Variants in ANO4 observed in about 807,000 individuals in gnomAD.
ANO4 encodes the protein anoctamin-4.
Under a neutral mutation model 141.9 loss-of-function variants are expected in ANO4, and 69 were observed. The observed-to-expected ratio is 0.49, with a 90% CI of 0.40 to 0.59. The LOEUF (loss-of-function observed/expected upper bound fraction) is 0.59. ANO4 is among the 20% of genes least tolerant of loss of function. The probability of loss-of-function intolerance (pLI) is 0.00; values close to 1 mark genes in which losing one functional copy is unlikely to be tolerated. For missense variants in ANO4, 894 were observed against 1,162.2 expected, an observed-to-expected ratio of 0.77 and a Z score of 3.36; for synonymous variants, 350 against 394.3, an observed-to-expected ratio of 0.89 and a Z score of 1.33.
rs755711465 is a variant in ANO4 at position 101,120,605 on chromosome 12, G to A, written c.2656G>A (p.Ala886Thr). 1 of 1,613,932 alleles carries A rather than the reference G, an allele frequency of 6.2e-7. No homozygotes were observed. The highest frequency in any genetic ancestry group is 8.5e-7 in the Non-Finnish European group (1 of 1,179,924). The change falls in exon 26 of 28, where the codon GCT becomes ACT. Residue 886 changes from alanine (A) to threonine (T), a missense_variant. Transcript: ENST00000392977. ...QFWHVLAARL[A>T]FIIVFEHLVF... ...TTGGCATGTCCTAGCTGCTCGATTA[G>A]CTTTTATCATTGTCTTTGAGGTAAG...
At chr12:101,025,757 G>T (rs2046708678) in intron 9 of ANO4, among the ~76,000 whole-genome samples, 1 of 152,216 alleles carries the variant, frequency 6.6e-6, no homozygotes, top group Non-Finnish European at 1.5e-5. Flanking sequence ...ATCCTGGACT[G>T]CAAGGTTGGC....
chr12:100,942,015 C>T (rs971198478), intron 4 of ANO4, among the ~76,000 whole-genome samples: 14 of 150,120 alleles, frequency 9.3e-5, no homozygotes, highest in African/African-American at 3.2e-4. Context: ...GAGTCTCACT[C>T]TGTTGCCCAG....
intron 1 of ANO4, among the ~76,000 whole-genome samples, chr12:100,877,864 A>G (rs2039392232): frequency 6.6e-6 from 1 of 152,156 alleles, no homozygotes; most frequent in Non-Finnish European, 1.5e-5. Flanking sequence ...CAGAGTTTGC[A>G]CATAAATCTT....
chr12:100,954,322 G>T (rs916620617), intron 5 of ANO4, among the ~76,000 whole-genome samples: 1 of 152,130 alleles, frequency 6.6e-6, no homozygotes, highest in African/African-American at 2.4e-5. Flanking sequence ...CAGGTCACAG[G>T]TGCCGGCGTG....
chr12:101,007,088 C>T (rs903162807), intron 8 of ANO4, among the ~76,000 whole-genome samples: 2 of 152,198 alleles, frequency 1.3e-5, no homozygotes, highest in African/African-American at 4.8e-5. Context: ...CACCATGGTT[C>T]ATGACTGTAA....
At chr12:100,740,888 A>G (rs2031834796) in intron 3 of ANO4, among the ~76,000 whole-genome samples, 1 of 152,234 alleles carries the variant, frequency 6.6e-6, no homozygotes, top group African/African-American at 2.4e-5. Flanking sequence ...CTGTTTTCAC[A>G]TAACAGTGGC....
At chr12:100,766,288 T>G (rs2033077848) in intron 3 of ANO4, among the ~76,000 whole-genome samples, 1 of 143,344 alleles carries the variant, frequency 7.0e-6, no homozygotes, top group African/African-American at 2.7e-5. Flanking sequence ...TTGCTGACTT[T>G]GGGCTTAGTC....
chr12:101,086,920 G>A lies in ANO4; in HGVS notation c.1701+96G>A, dbSNP rs77890775. 1.5e-3 allele frequency: 2,155 copies of A among 1,425,274 alleles called. 28 individuals are homozygous for A. The African/African-American group carries it at 0.028, about 18-fold the overall frequency. The allele number at this position is 1,425,274 out of a possible 1,614,324, so 88.3% of individuals were successfully genotyped here. A position where few individuals can be genotyped will look rare whatever the true frequency, so the allele number is the denominator to read the frequency against. ...GCTAAGGGGATCTGGCCTCAGAGAG[G>A]TGGGCCATTCACATAGCACTGATGT... On this transcript the variant is annotated intron_variant, in intron 17 of 27. Transcript: ENST00000392977.
chr12:100,816,371 A>G (rs368221533), intron 1 of ANO4, among the ~76,000 whole-genome samples: 29 of 152,180 alleles, frequency 1.9e-4, no homozygotes, highest in Middle Eastern at 3.4e-3. Flanking sequence ...GATCTGAAAG[A>G]TGAGTGGTCC....
At chr12:100,771,475 A>G (rs959679522) in intron 3 of ANO4, among the ~76,000 whole-genome samples, 1 of 152,142 alleles carries the variant, frequency 6.6e-6, no homozygotes, top group Non-Finnish European at 1.5e-5. Flanking sequence ...TAGAGAAAGC[A>G]CCACCCCCCA....
At chr12:100,899,541 T>C (rs958497220) in intron 1 of ANO4, among the ~76,000 whole-genome samples, 3 of 152,210 alleles carry the variant, frequency 2.0e-5, no homozygotes, top group African/African-American at 7.2e-5. Context: ...GAGTGCTGCC[T>C]ATATTTGTTA....
At chr12:101,121,994 T>G (rs1466044507) in intron 26 of ANO4, among the ~76,000 whole-genome samples, 2 of 152,218 alleles carry the variant, frequency 1.3e-5, no homozygotes, top group Admixed American at 1.3e-4. Flanking sequence ...CCTGACCTCA[T>G]GATCCATCCG....
chr12:101,107,270 T>C (rs2050485687), intron 22 of ANO4, among the ~76,000 whole-genome samples: 1 of 152,158 alleles, frequency 6.6e-6, no homozygotes, highest in Non-Finnish European at 1.5e-5. Flanking sequence ...CATTATTTGG[T>C]ACCTGACAAG....
At chr12:101,104,591 A>ATG (rs1411482123) in intron 22 of ANO4, among the ~76,000 whole-genome samples, 2 of 114,426 alleles carry the variant, frequency 1.7e-5, no homozygotes, top group East Asian at 4.6e-4. Flanking sequence ...GATAATATAT[A>ATG]TATGTGTGTG....
At chr12:100,974,979 G>A (rs2044099880) in intron 7 of ANO4, 90 bp downstream of exon 7, 2 of 1,465,004 alleles carry the variant, frequency 1.4e-6, no homozygotes. Flanking sequence ...TGGGGAAGAT[G>A]AGCCTGTGTC....
intron 1 of ANO4, among the ~76,000 whole-genome samples, chr12:100,845,183 A>C (rs2135826105): frequency 6.6e-6 from 1 of 152,198 alleles, no homozygotes; most frequent in African/African-American, 2.4e-5. Context: ...GATTACAGGG[A>C]GTGAGAGAGT....
intron 9 of ANO4, among the ~76,000 whole-genome samples, chr12:101,024,765 A>C (rs2046666288): frequency 6.6e-6 from 1 of 152,178 alleles, no homozygotes; most frequent in Non-Finnish European, 1.5e-5. Context: ...GTATTTATTG[A>C]GGGCCTCTGG....
chr12:100,853,748 G>T (rs2038013362), intron 1 of ANO4, among the ~76,000 whole-genome samples: 1 of 152,092 alleles, frequency 6.6e-6, no homozygotes, highest in African/African-American at 2.4e-5. Flanking sequence ...TGTTTTACGT[G>T]TATATTTATC....
Position 100,848,470 on chromosome 12 carries a change from C to G in ANO4, c.-140-53176C>G, listed in dbSNP as rs139837032. On this transcript the variant is annotated intron_variant, in intron 1 of 27. Transcript: ENST00000392977. ...GGACCCATGCCCAAAAATTCTTATT[C>G]AATAAGTTTAGGGTGGGACTGAAAA... Among the ~76,000 whole-genome samples the G allele has an allele frequency of 2.6e-3, 398 of 152,260 alleles. 2 individuals are homozygous for G. The highest frequency in any genetic ancestry group is 0.018 in the East Asian group (94 of 5,180).
Sources: allele counts gnomAD v4.1 joint callset (sites outside exome capture counted in the v4.1 genomes callset), GRCh38; gene constraint gnomAD v4.1.1; transcripts MANE v1.5; gene names NCBI Gene and HGNC (gene_info 2026-07-23, HGNC 2026-07-21).